RGPD3: variants seen among roughly 807,000 people sequenced by gnomAD.
RGPD3 encodes the protein RANBP2 like and GRIP domain containing 3.
In RGPD3, 62 loss-of-function variants were observed where a neutral mutation model predicts 154.5. The ratio of observed to expected loss-of-function variants is 0.40; its 90% CI spans 0.33 to 0.50. The LOEUF (loss-of-function observed/expected upper bound fraction) is 0.50, where lower values mean the gene tolerates loss of function less well. Among genes scored for constraint, RGPD3 ranks in the 20% least tolerant of loss-of-function variants. The pLI, the probability that RGPD3 is intolerant of heterozygous loss-of-function variation, is 0.59. For missense variants in RGPD3, 919 were observed against 1,716.8 expected (o/e 0.54, Z 8.21); for synonymous variants, 308 against 607.0 (o/e 0.51, Z 7.24).
At chr2:106,465,560 C>CA (rs1678546027) in intron 1 of RGPD3, among the ~76,000 whole-genome samples, 1 of 136,748 alleles carries the variant, frequency 7.3e-6, no homozygotes. Context: ...TCTAAGCTTG[C>CA]TTTTTTTTTT....
intron 7 of RGPD3, among the ~76,000 whole-genome samples, chr2:106,444,787 C>T (rs1403931695): frequency 6.6e-6 from 1 of 150,466 alleles, no homozygotes; most frequent in African/African-American, 2.5e-5. Flanking sequence ...TATGATCATG[C>T]CACTGCACTC....
chr2:106,445,345 A>G (rs1309630396), intron 7 of RGPD3, among the ~76,000 whole-genome samples: 262 of 150,912 alleles, frequency 1.7e-3, no homozygotes, highest in African/African-American at 6.1e-3. Flanking sequence ...GAGAATTTCT[A>G]TAAGAACCTT....
chr2:106,437,549 C>T (rs1160295463), intron 9 of RGPD3, among the ~76,000 whole-genome samples: 1 of 152,170 alleles, frequency 6.6e-6, no homozygotes, highest in Non-Finnish European at 1.5e-5. Context: ...AGGTTATGCG[C>T]TTCTGGAAGC....
rs772815171 is a variant in RGPD3, at chr2:106,404,344, T to C, written c.*875A>G. Among the ~76,000 whole-genome samples, 8 of 149,180 alleles carry C rather than the reference T, an allele frequency of 5.4e-5. No homozygotes were observed. The highest frequency in any genetic ancestry group is 7.5e-5 in the African/African-American group (3 of 39,960). ...CTCAAGTGGTGGGCCCACCTATTCA[T>C]AGTCAGTGTTACACTAGCCAGCTCT... On this transcript the variant is annotated 3_prime_UTR_variant, in exon 23 of 23. Transcript: ENST00000409886.
intron 1 of RGPD3, among the ~76,000 whole-genome samples, chr2:106,464,719 T>A (rs79083320): frequency 6.6e-6 from 1 of 151,730 alleles, no homozygotes; most frequent in Non-Finnish European, 1.5e-5. Flanking sequence ...AAATTATATA[T>A]TTTTTTCTTT....
At chr2:106,421,582 C>T (rs1676988462) in intron 20 of RGPD3, among the ~76,000 whole-genome samples, 1 of 151,420 alleles carries the variant, frequency 6.6e-6, no homozygotes, top group Non-Finnish European at 1.5e-5. Flanking sequence ...ACTTCTTGTT[C>T]CACTCTAGTA....
intron 1 of RGPD3, among the ~76,000 whole-genome samples, chr2:106,464,653 G>A (rs1678512073): frequency 6.6e-6 from 1 of 151,888 alleles, no homozygotes; most frequent in Non-Finnish European, 1.5e-5. Flanking sequence ...AAACCGACTT[G>A]ACAGAACATA....
intron 22 of RGPD3, among the ~76,000 whole-genome samples, chr2:106,405,620 C>T (rs1445281930): frequency 1.3e-5 from 2 of 152,326 alleles, no homozygotes; most frequent in East Asian, 1.9e-4. Context: ...AAGTGATCCT[C>T]CCACTTCAGC....
chr2:106,463,083 T>C (rs1392661682), intron 1 of RGPD3, among the ~76,000 whole-genome samples: 1 of 151,736 alleles, frequency 6.6e-6, no homozygotes, highest in Non-Finnish European at 1.5e-5. Flanking sequence ...AGTTTCCCAA[T>C]TGAAAGGACA....
intron 22 of RGPD3, among the ~76,000 whole-genome samples, chr2:106,408,660 CA>C (rs1385790696): frequency 1.3e-5 from 2 of 149,184 alleles, no homozygotes; most frequent in Non-Finnish European, 3.0e-5. Flanking sequence ...TAATGTTTCA[CA>C]TATTATTTTT....
chr2:106,423,856 C>A lies in RGPD3; in HGVS notation c.4111G>T (p.Val1371Phe). The part of the protein sequence containing the change: ...RAEFYRYDKD[V>F]GQWKERGIGD... ...ATGCCCCTTTCTTTCCATTGACCAA[C>A]ATCTTTATCATATCTGTAGAATTCT... is the stretch of plus-strand genomic sequence containing the variant. Residue 1371 changes from valine (V) to phenylalanine (F), a missense_variant, in exon 20 of 23, where the codon GTT becomes TTT. By Grantham distance (50) the Val-to-Phe change is conservative (BLOSUM62 -1). Coordinates refer to ENST00000409886, the MANE Select transcript of RGPD3 (RefSeq NM_001144013.2). 3 of 1,611,968 alleles carry A rather than the reference C, an allele frequency of 1.9e-6. No homozygotes were observed. The highest frequency in any genetic ancestry group is 2.5e-6 in the Non-Finnish European group (3 of 1,179,868).
In RGPD3 at chr2:106,447,633, A is replaced by G. The variant is rs904795272; in HGVS notation, c.783-20T>C. On this transcript the variant is annotated intron_variant, in intron 6 of 22. Coordinates refer to ENST00000409886, the MANE Select transcript of RGPD3 (RefSeq NM_001144013.2). ...TCAAAACTGTAATATGAAAATATCAAACAGATGATACACACTTACTGCACT... is the reference window on the plus strand; with the variant it reads ...TCAAAACTGTAATATGAAAATATCAGACAGATGATACACACTTACTGCACT... 1 of 111,114 alleles carries G rather than the reference A, an allele frequency of 9.0e-6. No homozygotes were observed. Among genetic ancestry groups the G allele is most frequent in the African/African-American group, 5.9e-5 (1 of 16,984 alleles). The allele number at this position is 111,114 out of a possible 1,614,324, so 6.9% of individuals were successfully genotyped here. A position where few individuals can be genotyped will look rare whatever the true frequency, so the allele number is the denominator to read the frequency against.
chr2:106,466,204 G>A (rs1054306027), intron 1 of RGPD3, among the ~76,000 whole-genome samples: 1 of 152,168 alleles, frequency 6.6e-6, no homozygotes, highest in Non-Finnish European at 1.5e-5. Flanking sequence ...AAGCGCCGGC[G>A]CCAACGGTCT....
At position 106,405,007 on chromosome 2, in the gene RGPD3, G is replaced by A. The variant is rs2104436534; in HGVS notation, c.*212C>T. On this transcript the variant is annotated 3_prime_UTR_variant, in exon 23 of 23. Coordinates refer to ENST00000409886, the MANE Select transcript of RGPD3 (RefSeq NM_001144013.2). ...AGCTGTTGTACTTTTACTTCAAGTT[G>A]AAACTTTTAAAATACATCTGTCATA... 1.5e-6 allele frequency: 1 copy of A among 685,334 alleles called. No homozygotes were observed. The highest frequency in any genetic ancestry group is 2.4e-6 in the Non-Finnish European group (1 of 408,948). The allele number at this position is 685,334 out of a possible 1,614,324, so 42.5% of individuals were successfully genotyped here. A position where few individuals can be genotyped will look rare whatever the true frequency, so the allele number is the denominator to read the frequency against.
rs1280557573 is a variant in RGPD3 at position 106,403,953 on chromosome 2, T to A, written c.*1266A>T. On this transcript the variant is annotated 3_prime_UTR_variant, in exon 23 of 23. Transcript: ENST00000409886. ...GAGAGCATACTATGTGATTAATACA[T>A]AAATATTAAAAATTATCCAATTTTT... Among the ~76,000 whole-genome samples, 2 of 152,250 alleles carry A rather than the reference T, an allele frequency of 1.3e-5. No individual in the cohort carries two copies. The highest frequency in any genetic ancestry group is 4.8e-5 in the African/African-American group (2 of 41,470).
rs1391601785 is a variant in RGPD3, at chr2:106,466,994, G to A, written c.72+1223C>T. 6.0e-4 allele frequency among the ~76,000 whole-genome samples: 78 copies of A among 129,450 alleles called. 2 individuals carry two copies. The highest frequency in any genetic ancestry group is 2.0e-3 in the African/African-American group (77 of 38,018). 84.9% of individuals were successfully genotyped at this position (129,450 alleles called of 152,430 possible). On this transcript the variant is annotated intron_variant, in intron 1 of 22. Coordinates refer to ENST00000409886, the MANE Select transcript of RGPD3 (RefSeq NM_001144013.2). ...GCCGCAGGGCCAGGTCGAGGCTGCC[G>A]CCGCCTGGCCAGGTCGAGGCCGCCG... is the stretch of plus-strand genomic sequence containing the variant.
intron 1 of RGPD3, among the ~76,000 whole-genome samples, chr2:106,464,538 A>G (rs1438126967): frequency 6.6e-6 from 1 of 151,222 alleles, no homozygotes; most frequent in East Asian, 1.9e-4. Context: ...TTTATGCCCA[A>G]AAATTTGATG....
intron 1 of RGPD3, among the ~76,000 whole-genome samples, chr2:106,466,309 G>C (rs903059856): frequency 8.0e-5 from 12 of 150,932 alleles, no homozygotes; most frequent in South Asian, 2.2e-4. Context: ...GCAACAGAGC[G>C]CGCCAGGGAG....
intron 7 of RGPD3, among the ~76,000 whole-genome samples, chr2:106,443,766 G>A (rs570535380): frequency 3.3e-4 from 40 of 120,446 alleles, no homozygotes; most frequent in Admixed American, 1.2e-3. Context: ...CACGATCTCG[G>A]CTCACTGCAA....
Sources: gnomAD v4.1 joint callset for allele counts (sites outside exome capture counted in the v4.1 genomes callset) on GRCh38, gnomAD v4.1.1 for gene constraint, MANE v1.5 for transcripts, NCBI Gene and HGNC (gene_info 2026-07-23, HGNC 2026-07-21) for gene names.